The following GLRB variants were observed in gnomAD, a reference collection of about 807,000 sequenced individuals.
GLRB encodes the protein glycine receptor subunit beta.
GLRB carries 33 observed loss-of-function variants against 54.2 expected under a neutral mutation model. The observed-to-expected ratio is 0.61, with a 90% CI of 0.46 to 0.81. The LOEUF is 0.81. GLRB is among the 40% of genes least tolerant of loss of function. The pLI, the probability that GLRB is intolerant of heterozygous loss-of-function variation, is 0.00. For missense variants in GLRB, 572 were observed against 584.6 expected, an observed-to-expected ratio of 0.98 and a Z score of 0.22; for synonymous variants, 209 against 208.2, an observed-to-expected ratio of 1.00 and a Z score of -0.03.
chr4:157,138,991 G>C (rs1289802977), intron 7 of GLRB, 42 bp downstream of exon 7: 1 of 1,134,490 alleles, frequency 8.8e-7, no homozygotes, highest in East Asian at 2.4e-5. Flanking sequence ...CTATTTCAAA[G>C]ATACATTTTA....
intron 8 of GLRB, among the ~76,000 whole-genome samples, chr4:157,145,175 A>T (rs1331704249): frequency 1.3e-5 from 2 of 152,194 alleles, no homozygotes; most frequent in Non-Finnish European, 2.9e-5. Flanking sequence ...TTTCTGACAT[A>T]TCCTTTAAGA....
Position 157,118,363 on chromosome 4 carries a change from T to G in GLRB, c.123-2193T>G, listed in dbSNP as rs529427265. ...TTGAACGCTAATTTGCATCCTAATATCCAATTTTCCCACGTGCGCTCATTC... is the reference window on the plus strand; with the variant it reads ...TTGAACGCTAATTTGCATCCTAATAGCCAATTTTCCCACGTGCGCTCATTC... On this transcript the variant is annotated intron_variant, in intron 2 of 9. Coordinates refer to ENST00000264428, the MANE Select transcript of GLRB (RefSeq NM_000824.5). 5.9e-5 allele frequency among the ~76,000 whole-genome samples: 9 copies of G among 151,804 alleles called. No individual in the cohort carries two copies. The South Asian group carries it at 1.9e-3, about 31-fold the overall frequency.
intron 8 of GLRB, among the ~76,000 whole-genome samples, chr4:157,151,460 T>C (rs946668282): frequency 5.9e-5 from 9 of 152,108 alleles, no homozygotes; most frequent in Non-Finnish European, 8.8e-5. Flanking sequence ...ATTCTCTTAA[T>C]TAGTTTTTAG....
chr4:157,133,017 C>T (rs560281679), intron 4 of GLRB, among the ~76,000 whole-genome samples: 19 of 151,766 alleles, frequency 1.3e-4, no homozygotes, highest in Non-Finnish European at 2.4e-4. Flanking sequence ...ACAAAAAATG[C>T]CTTCTAAAAG....
chr4:157,115,641 C>T (rs1409392923), intron 2 of GLRB, among the ~76,000 whole-genome samples: 2 of 151,764 alleles, frequency 1.3e-5, no homozygotes, highest in Non-Finnish European at 2.9e-5. Context: ...TTGTGGTCTA[C>T]TCGTCCAGGA....
intron 9 of GLRB, 66 bp from the exon 10 acceptor site, chr4:157,170,366 G>T: frequency 1.1e-6 from 1 of 913,898 alleles, no homozygotes; most frequent in East Asian, 2.4e-5. Flanking sequence ...TAAAAATATC[G>T]TTTGAAGAGA....
At chr4:157,137,893 C>T (rs751024544) in intron 6 of GLRB, among the ~76,000 whole-genome samples, 13 of 152,040 alleles carry the variant, frequency 8.6e-5, no homozygotes, top group African/African-American at 2.7e-4. Flanking sequence ...CTTTTGAGTT[C>T]GATACTAGAC....
At chr4:157,168,776 G>A (rs1420587479) in intron 9 of GLRB, among the ~76,000 whole-genome samples, 3 of 151,730 alleles carry the variant, frequency 2.0e-5, no homozygotes, top group Non-Finnish European at 2.9e-5. Context: ...ATATATATAT[G>A]GCATAAAGTA....
intron 2 of GLRB, among the ~76,000 whole-genome samples, chr4:157,114,002 A>G (rs1735513940): frequency 6.6e-6 from 1 of 151,976 alleles, no homozygotes; most frequent in South Asian, 2.1e-4. Context: ...AATACTCCAC[A>G]ATAATTACAC....
chr4:157,116,685 T>G (rs1399577040), intron 2 of GLRB, among the ~76,000 whole-genome samples: 1 of 151,718 alleles, frequency 6.6e-6, no homozygotes, highest in East Asian at 1.9e-4. Context: ...TAGAGATAAT[T>G]TTAATGTTAT....
intron 4 of GLRB, among the ~76,000 whole-genome samples, chr4:157,133,194 A>G: frequency 6.6e-6 from 1 of 152,068 alleles, no homozygotes; most frequent in East Asian, 1.9e-4. Context: ...TAATACATAT[A>G]ATAAAAGTAA....
At chr4:157,084,979 C>T (rs752279817) in intron 2 of GLRB, among the ~76,000 whole-genome samples, 9 of 152,082 alleles carry the variant, frequency 5.9e-5, no homozygotes, top group Non-Finnish European at 1.3e-4. Context: ...TTGAAAATTG[C>T]CTGTTATCAC....
intron 2 of GLRB, among the ~76,000 whole-genome samples, chr4:157,104,088 T>G (rs757752031): frequency 2.6e-5 from 4 of 152,130 alleles, no homozygotes; most frequent in Non-Finnish European, 5.9e-5. Context: ...CTAGGTACCA[T>G]GTTGAACAGA....
At chr4:157,136,983 A>G in intron 6 of GLRB, 97 bp downstream of exon 6, 1 of 748,916 alleles carries the variant, frequency 1.3e-6, no homozygotes, top group Non-Finnish European at 2.4e-6. Flanking sequence ...TGGTAAAACT[A>G]GTGCTTTGAT....
intron 9 of GLRB, among the ~76,000 whole-genome samples, chr4:157,155,784 G>C (rs75221279): frequency 0.049 from 7,450 of 152,168 alleles, 208 homozygotes; most frequent in Middle Eastern, 0.11. Context: ...TCTTTGAGTT[G>C]ATCTTGTTTG....
intron 2 of GLRB, among the ~76,000 whole-genome samples, chr4:157,118,615 T>C (rs1174009415): frequency 6.6e-6 from 1 of 151,618 alleles, no homozygotes; most frequent in Non-Finnish European, 1.5e-5. Context: ...CTTTGCACTC[T>C]GACTGAATTT....
In GLRB at chr4:157,082,964, T is replaced by TTTTATATA. The variant is rs1180920266; in HGVS notation, c.122+4819_122+4820insTTATATAT. On this transcript the variant is annotated intron_variant, in intron 2 of 9. Coordinates refer to ENST00000264428, the MANE Select transcript of GLRB (RefSeq NM_000824.5). ...AATTATCAGACAAATGAATAGTGTT[T>TTTTATATA]TATATATATATATATATATATATAT... 2.3e-3 allele frequency among the ~76,000 whole-genome samples: 322 copies of TTTTATATA among 139,656 alleles called. 1 individual carries two copies. The highest frequency in any genetic ancestry group is 0.011 in the South Asian group (48 of 4,444). The allele number at this position is 139,656 out of a possible 152,430, so 91.6% of individuals were successfully genotyped here.
chr4:157,128,352 A>T (rs1170503580), intron 4 of GLRB, among the ~76,000 whole-genome samples: 1 of 151,888 alleles, frequency 6.6e-6, no homozygotes, highest in Non-Finnish European at 1.5e-5. Flanking sequence ...AAATTTCACA[A>T]GTAAGAGTAC....
intron 2 of GLRB, among the ~76,000 whole-genome samples, chr4:157,110,154 G>A (rs988349930): frequency 1.3e-5 from 2 of 151,842 alleles, no homozygotes; most frequent in African/African-American, 4.8e-5. Flanking sequence ...CCCATCCTAA[G>A]GCTATTCTAG....
Sources: allele counts gnomAD v4.1 joint callset (sites outside exome capture counted in the v4.1 genomes callset), GRCh38; gene constraint gnomAD v4.1.1; transcripts MANE v1.5; gene names NCBI Gene and HGNC (gene_info 2026-07-23, HGNC 2026-07-21).